The following MIPOL1 variants were observed in gnomAD, a reference collection of about 807,000 sequenced individuals.
MIPOL1 encodes mirror-image polydactyly 1.
Under a neutral mutation model 60.9 loss-of-function variants are expected in MIPOL1, and 57 were observed. The observed-to-expected ratio is 0.94, with a 90% CI of 0.76 to 1.17. MIPOL1 has a LOEUF of 1.17. Ranked by LOEUF, MIPOL1 falls within the 50% of genes most tolerant of loss-of-function variation. The pLI is 0.00. For missense variants in MIPOL1, 551 were observed against 511.6 expected (o/e 1.08, Z -0.74); for synonymous variants, 179 against 168.8 (o/e 1.06, Z -0.47).
At chr14:37,229,779 T>A (rs1267988695) in intron 1 of MIPOL1, among the ~76,000 whole-genome samples, 2 of 152,158 alleles carry the variant, frequency 1.3e-5, no homozygotes, top group East Asian at 3.9e-4. Flanking sequence ...CAAAGTTTAG[T>A]TACATTAAGG....
chr14:37,473,700 A>G (rs980780054), intron 11 of MIPOL1, among the ~76,000 whole-genome samples: 1 of 152,202 alleles, frequency 6.6e-6, no homozygotes, highest in Non-Finnish European at 1.5e-5. Context: ...GATGTGGCAC[A>G]TTTGTTAAAA....
chr14:37,308,627 T>TGTGC, intron 9 of MIPOL1, 108 bp downstream of exon 9: 4 of 701,486 alleles, frequency 5.7e-6, no homozygotes, highest in Non-Finnish European at 8.6e-6. Flanking sequence ...ACATTAATTT[T>TGTGC]TAGCACATAA....
chr14:37,262,854 T>G (rs1026018660), intron 3 of MIPOL1, among the ~76,000 whole-genome samples: 1 of 152,114 alleles, frequency 6.6e-6, no homozygotes, highest in African/African-American at 2.4e-5. Flanking sequence ...GTAAACAGTA[T>G]TGACCCCCCC....
At chr14:37,260,063 AT>A (rs1315306271) in intron 3 of MIPOL1, among the ~76,000 whole-genome samples, 1 of 151,982 alleles carries the variant, frequency 6.6e-6, no homozygotes, top group Non-Finnish European at 1.5e-5. Flanking sequence ...TAAAGTACTC[AT>A]TTTCAATACT....
chr14:37,324,616 A>T (rs1423113699), intron 9 of MIPOL1, among the ~76,000 whole-genome samples: 1 of 152,038 alleles, frequency 6.6e-6, no homozygotes, highest in East Asian at 1.9e-4. Flanking sequence ...TGTTTAAGGA[A>T]TCTTTCCGCA....
chr14:37,342,993 T>C (rs1414865825), intron 9 of MIPOL1, among the ~76,000 whole-genome samples: 1 of 149,768 alleles, frequency 6.7e-6, no homozygotes, highest in Admixed American at 6.7e-5. Context: ...AGTTAAAATA[T>C]ATATTTATAT....
At chr14:37,545,269 G>T (rs2095543189) in intron 12 of MIPOL1, among the ~76,000 whole-genome samples, 1 of 152,136 alleles carries the variant, frequency 6.6e-6, no homozygotes, top group Admixed American at 6.5e-5. Context: ...TCATAGTGTA[G>T]TTCTATAATT....
intron 11 of MIPOL1, among the ~76,000 whole-genome samples, chr14:37,475,479 T>A (rs2094757486): frequency 6.6e-6 from 1 of 152,178 alleles, no homozygotes; most frequent in Non-Finnish European, 1.5e-5. Flanking sequence ...TGGTGATACA[T>A]CTAACAACTG....
chr14:37,499,746 T>G (rs2095187486), intron 11 of MIPOL1, among the ~76,000 whole-genome samples, 162 bp from the exon 12 acceptor site: 1 of 152,200 alleles, frequency 6.6e-6, no homozygotes, highest in South Asian at 2.1e-4. Flanking sequence ...GCAGAGAAAT[T>G]ATCAATTATA....
intron 11 of MIPOL1, among the ~76,000 whole-genome samples, chr14:37,473,572 A>G (rs903443238): frequency 1.3e-5 from 2 of 152,116 alleles, no homozygotes; most frequent in African/African-American, 2.4e-5. Flanking sequence ...AGGGAATTCA[A>G]TTAATAGACT....
Position 37,548,945 on chromosome 14 carries a change from T to C in MIPOL1, c.*1974T>C, listed in dbSNP as rs1291930966. The C allele has an allele frequency of 6.6e-6, 1 of 151,978 alleles. No individual in the cohort carries two copies. The highest frequency in any genetic ancestry group is 2.4e-5 in the African/African-American group (1 of 41,446). 9.4% of individuals were successfully genotyped at this position (151,978 alleles called of 1,614,324 possible). ...AAAATAATTCTAACATCCACTATTG[T>C]TCAGTATAGGTAATCTCCCAAAAAT... On this transcript the variant is annotated 3_prime_UTR_variant, in exon 13 of 13. Coordinates refer to ENST00000684589, the MANE Select transcript of MIPOL1 (RefSeq NM_001388067.1).
intron 12 of MIPOL1, among the ~76,000 whole-genome samples, chr14:37,514,599 AC>A (rs1257883367): frequency 6.6e-6 from 1 of 151,854 alleles, no homozygotes; most frequent in South Asian, 2.1e-4. Context: ...TAATGTATCT[AC>A]TGGTTAATAT....
At chr14:37,404,488 G>C (rs886815957) in intron 10 of MIPOL1, among the ~76,000 whole-genome samples, 1 of 152,168 alleles carries the variant, frequency 6.6e-6, no homozygotes, top group African/African-American at 2.4e-5. Flanking sequence ...TGCTGGAGAA[G>C]TAAGTTGGCA....
intron 7 of MIPOL1, among the ~76,000 whole-genome samples, chr14:37,293,086 G>C (rs2085256732): frequency 6.6e-6 from 1 of 152,074 alleles, no homozygotes; most frequent in Non-Finnish European, 1.5e-5. Context: ...AGCCAGCCTT[G>C]ATTCTTGCTT....
chr14:37,419,057 A>T (rs2093822822), intron 10 of MIPOL1, among the ~76,000 whole-genome samples: 2 of 152,152 alleles, frequency 1.3e-5, no homozygotes, highest in African/African-American at 4.8e-5. Flanking sequence ...CGATATTTAT[A>T]GCAGCTTTAT....
chr14:37,340,552 A>G (rs1017306230), intron 9 of MIPOL1, among the ~76,000 whole-genome samples: 1 of 151,992 alleles, frequency 6.6e-6, no homozygotes, highest in East Asian at 1.9e-4. Flanking sequence ...TCTACAAAAA[A>G]TGCAGAAATT....
Position 37,420,788 on chromosome 14 carries a change from A to G in MIPOL1, c.937-2067A>G, listed in dbSNP as rs377200494. ...GAGGCTAGTGGGATGCAGTACTTCAATTAGACAACCTGGATCTTATACCCG... is the reference window on the plus strand; with the variant it reads ...GAGGCTAGTGGGATGCAGTACTTCAGTTAGACAACCTGGATCTTATACCCG... On this transcript the variant is annotated intron_variant, in intron 10 of 12. Coordinates refer to ENST00000684589, the MANE Select transcript of MIPOL1 (RefSeq NM_001388067.1). 5.9e-5 allele frequency among the ~76,000 whole-genome samples: 9 copies of G among 152,282 alleles called. No individual in the cohort carries two copies. In the East Asian group the frequency reaches 1.2e-3, roughly 20 times the overall value.
intron 9 of MIPOL1, among the ~76,000 whole-genome samples, chr14:37,366,530 G>GT (rs1208305299): frequency 2.0e-5 from 3 of 151,778 alleles, no homozygotes; most frequent in African/African-American, 4.8e-5. Context: ...TATTATTTCA[G>GT]TTTTTTTAAT....
chr14:37,392,451 A>G (rs78852339), intron 10 of MIPOL1, among the ~76,000 whole-genome samples: 139 of 152,272 alleles, frequency 9.1e-4, no homozygotes, highest in East Asian at 3.3e-3. Context: ...GGGATTTTCA[A>G]TGTAATCATG....
Sources: gnomAD v4.1 joint callset for allele counts (sites outside exome capture counted in the v4.1 genomes callset) on GRCh38, gnomAD v4.1.1 for gene constraint, MANE v1.5 for transcripts, NCBI Gene and HGNC (gene_info 2026-07-23, HGNC 2026-07-21) for gene names.